The following NFATC2 variants were observed in gnomAD, a reference collection of about 807,000 sequenced individuals.
The protein encoded by NFATC2 is nuclear factor of activated T cells 2, also known as nuclear factor of activated T-cells, cytoplasmic 2.
Under a neutral mutation model 87.3 loss-of-function variants are expected in NFATC2, and 22 were observed. The ratio of observed to expected loss-of-function variants is 0.25; its 90% CI spans 0.18 to 0.36. NFATC2 has a LOEUF of 0.36. Among genes scored for constraint, NFATC2 ranks in the 10% least tolerant of loss-of-function variants. The probability of loss-of-function intolerance (pLI) is 1.00; values close to 1 mark genes in which losing one functional copy is unlikely to be tolerated. For missense variants in NFATC2, 1,149 were observed against 1,259.1 expected, an observed-to-expected ratio of 0.91 and a Z score of 1.32; for synonymous variants, 565 against 542.2, an observed-to-expected ratio of 1.04 and a Z score of -0.58.
chr20:51,540,651 T>TC (rs1555818270), intron 1 of NFATC2, among the ~76,000 whole-genome samples: 2 of 126,568 alleles, frequency 1.6e-5, no homozygotes, highest in Non-Finnish European at 3.2e-5. Context: ...ACTGAAGTTT[T>TC]TTTTTTGTTT....
At chr20:51,536,826 A>G (rs2076728336) in intron 1 of NFATC2, among the ~76,000 whole-genome samples, 1 of 152,188 alleles carries the variant, frequency 6.6e-6, no homozygotes, top group Non-Finnish European at 1.5e-5. Flanking sequence ...ACAGAAGGCA[A>G]TGTCTCTGAA....
In NFATC2 at chr20:51,516,796, G is replaced by A; in HGVS notation, c.1320C>T (p.His440=). ...TTCAAGTCCATACCTGAACCACAGG[G>A]TGGCCTCCAGTTGGAGCTTTGACAG... The part of the protein sequence containing the change: ...RGAVKAPTGG[H]PVVQLHGYME... The change falls in exon 3 of 11, where the codon CAC becomes CAT. Residue 440 remains histidine, a synonymous_variant. Transcript: ENST00000371564. 1.9e-6 allele frequency: 3 copies of A among 1,609,772 alleles called. No homozygotes were observed. Among genetic ancestry groups the A allele is most frequent in the Non-Finnish European group, 2.5e-6 (3 of 1,177,294 alleles).
At chr20:51,540,647 G>GTTTTTTTTTTTTTGTTTT (rs375172598) in intron 1 of NFATC2, among the ~76,000 whole-genome samples, 12 of 112,970 alleles carry the variant, frequency 1.1e-4, no homozygotes, top group Middle Eastern at 4.6e-3. Context: ...AAAAACTGAA[G>GTTTTTTTTTTTTTGTTTT]TTTTTTTTTT....
chr20:51,393,318 C>T (rs549361210), intron 10 of NFATC2, among the ~76,000 whole-genome samples: 1 of 152,134 alleles, frequency 6.6e-6, no homozygotes, highest in South Asian at 2.1e-4. Flanking sequence ...AAAAATATTA[C>T]CTCCCAGGTT....
At chr20:51,515,916 T>A (rs2076343993) in intron 3 of NFATC2, among the ~76,000 whole-genome samples, 1 of 152,148 alleles carries the variant, frequency 6.6e-6, no homozygotes, top group Admixed American at 6.6e-5. Context: ...TGATGCACAC[T>A]ATAGATTAAG....
chr20:51,562,786 CG>C (rs2077043894), upstream of NFATC2: 2 of 607,672 alleles, frequency 3.3e-6, no homozygotes, highest in Non-Finnish European at 5.6e-6. This position sits in a 1 kb window ranked among gnomAD's most constrained non-coding sequence, Gnocchi z 5.8. Flanking sequence ...TCCCGGCTCC[CG>C]GCTCGGCGGA....
intron 3 of NFATC2, among the ~76,000 whole-genome samples, chr20:51,504,268 C>T (rs7264814): frequency 0.023 from 3,429 of 152,110 alleles, 122 homozygotes; most frequent in African/African-American, 0.078. Context: ...GTGATCTGCC[C>T]GCCTCAGCCT....
chr20:51,475,366 A>C, intron 4 of NFATC2, 92 bp downstream of exon 4: 1 of 1,183,236 alleles, frequency 8.5e-7, no homozygotes, highest in Non-Finnish European at 1.3e-6. Context: ...TGCTTCCATC[A>C]GTTCTGTAGA....
chr20:51,393,079 G>T (rs1481203694), intron 10 of NFATC2, among the ~76,000 whole-genome samples: 6 of 152,200 alleles, frequency 3.9e-5, no homozygotes, highest in Non-Finnish European at 8.8e-5. Context: ...TGGTTATGAT[G>T]GTTAGTAAAA....
At chr20:51,458,914 G>T (rs375596431) in intron 5 of NFATC2, among the ~76,000 whole-genome samples, 5 of 152,218 alleles carry the variant, frequency 3.3e-5, no homozygotes, top group African/African-American at 9.6e-5. Context: ...AGCTGCAAGA[G>T]AATACATCAT....
At chr20:51,519,272 C>A (rs562357565) in intron 2 of NFATC2, among the ~76,000 whole-genome samples, 1 of 152,184 alleles carries the variant, frequency 6.6e-6, no homozygotes, top group African/African-American at 2.4e-5. Context: ...AGCGGCATAT[C>A]CCCAGGTATC....
At chr20:51,531,617 G>C (rs1330773915) in intron 1 of NFATC2, among the ~76,000 whole-genome samples, 1 of 152,222 alleles carries the variant, frequency 6.6e-6, no homozygotes, top group African/African-American at 2.4e-5. Context: ...ACCCCCGGCT[G>C]TGAGACTTGG....
At chr20:51,494,916 G>T (rs1352601941) in intron 3 of NFATC2, among the ~76,000 whole-genome samples, 1 of 152,060 alleles carries the variant, frequency 6.6e-6, no homozygotes, top group Non-Finnish European at 1.5e-5. Context: ...CTGCCAGCTG[G>T]TGTGTCCCCC....
At chr20:51,509,316 C>T (rs1395300077) in intron 3 of NFATC2, among the ~76,000 whole-genome samples, 2 of 152,144 alleles carry the variant, frequency 1.3e-5, no homozygotes, top group African/African-American at 2.4e-5. Flanking sequence ...TTGCTATCTC[C>T]CCCTAGCCAG....
At chr20:51,408,311 C>T (rs565728448) in intron 9 of NFATC2, among the ~76,000 whole-genome samples, 36 of 152,066 alleles carry the variant, frequency 2.4e-4, no homozygotes, top group African/African-American at 7.0e-4. Flanking sequence ...GTCAGGAGTT[C>T]GAGACCAGCC....
intron 9 of NFATC2, among the ~76,000 whole-genome samples, chr20:51,408,611 G>A (rs967499050): frequency 1.3e-5 from 2 of 151,656 alleles, no homozygotes; most frequent in African/African-American, 4.9e-5. Flanking sequence ...TGAATAGATG[G>A]TTGGTGATAA....
intron 5 of NFATC2, among the ~76,000 whole-genome samples, chr20:51,457,244 G>C (rs1986643472): frequency 6.6e-6 from 1 of 152,244 alleles, no homozygotes; most frequent in African/African-American, 2.4e-5. Context: ...GATGAAACTG[G>C]GGAGCAGCTG....
intron 9 of NFATC2, among the ~76,000 whole-genome samples, chr20:51,425,405 A>G (rs1169277372): frequency 1.3e-5 from 2 of 152,116 alleles, no homozygotes; most frequent in Non-Finnish European, 2.9e-5. Flanking sequence ...ACGCTGAGAT[A>G]CTCAGACCGG....
intron 1 of NFATC2, among the ~76,000 whole-genome samples, chr20:51,537,268 G>A (rs914516778): frequency 6.7e-6 from 1 of 150,256 alleles, no homozygotes; most frequent in African/African-American, 2.5e-5. Context: ...GGGTGCAGGG[G>A]GTATGTGGTG....
Sources: allele counts gnomAD v4.1 joint callset (sites outside exome capture counted in the v4.1 genomes callset), GRCh38; gene constraint gnomAD v4.1.1; non-coding constraint Gnocchi (gnomAD v3.1); transcripts MANE v1.5; gene names NCBI Gene and HGNC (gene_info 2026-07-23, HGNC 2026-07-21).